The following AUTS2 variants were observed in gnomAD, a reference collection of about 807,000 sequenced individuals.
AUTS2 encodes the protein autism susceptibility gene 2 protein.
AUTS2 carries 17 observed loss-of-function variants against 112.4 expected under a neutral mutation model. The ratio of observed to expected loss-of-function variants is 0.15; its 90% CI spans 0.10 to 0.23. AUTS2 has a LOEUF of 0.23. Ranked by LOEUF, AUTS2 falls within the 10% of genes least tolerant of loss-of-function variation. The pLI is 1.00. For missense variants in AUTS2, 1,510 were observed against 1,701.6 expected (o/e 0.89, Z 1.98); for synonymous variants, 751 against 702.7 (o/e 1.07, Z -1.09).
chr7:70,730,253 T>C (rs1391395842), intron 6 of AUTS2, among the ~76,000 whole-genome samples: 4 of 152,140 alleles, frequency 2.6e-5, no homozygotes, highest in African/African-American at 9.6e-5. Flanking sequence ...TGTTTGTTGG[T>C]TTTTTAGTTA....
intron 5 of AUTS2, among the ~76,000 whole-genome samples, chr7:70,488,216 C>T (rs376548882): frequency 1.4e-4 from 22 of 152,218 alleles, no homozygotes; most frequent in African/African-American, 5.3e-4. Context: ...TCGTGCCCGG[C>T]GCTCTAAGCT....
chr7:70,105,689 T>G (rs1804731323), intron 2 of AUTS2, among the ~76,000 whole-genome samples: 1 of 152,156 alleles, frequency 6.6e-6, no homozygotes, highest in Non-Finnish European at 1.5e-5. Flanking sequence ...AACTCTTCAT[T>G]TACTGGCCTC....
At chr7:69,901,381 G>A (rs1328408138) in intron 2 of AUTS2, among the ~76,000 whole-genome samples, 2 of 151,822 alleles carry the variant, frequency 1.3e-5, no homozygotes, top group East Asian at 1.9e-4. Context: ...TCTTCTAGAC[G>A]TGATCTGACT....
intron 1 of AUTS2, among the ~76,000 whole-genome samples, chr7:69,656,774 G>C (rs1229435079): frequency 6.6e-6 from 1 of 152,124 alleles, no homozygotes; most frequent in Non-Finnish European, 1.5e-5. Context: ...CCAACATGTG[G>C]CTTCTGTGGG....
At chr7:70,304,806 C>T (rs1584997380) in intron 4 of AUTS2, among the ~76,000 whole-genome samples, 1 of 139,064 alleles carries the variant, frequency 7.2e-6, no homozygotes. Flanking sequence ...GATTTTGGAG[C>T]ATTTCGGATT....
At chr7:69,870,322 A>C (rs1793424350) in intron 1 of AUTS2, among the ~76,000 whole-genome samples, 1 of 151,480 alleles carries the variant, frequency 6.6e-6, no homozygotes, top group African/African-American at 2.4e-5. Flanking sequence ...AAGCTAAAGT[A>C]GATATTTAGG....
chr7:69,827,458 A>T (rs1004202269), intron 1 of AUTS2, among the ~76,000 whole-genome samples: 1 of 151,914 alleles, frequency 6.6e-6, no homozygotes, highest in African/African-American at 2.4e-5. Flanking sequence ...GGAAAAAAAA[A>T]CCCCTAAAAA....
intron 4 of AUTS2, among the ~76,000 whole-genome samples, chr7:70,334,091 G>C (rs1420026896): frequency 6.6e-6 from 1 of 152,030 alleles, no homozygotes; most frequent in East Asian, 1.9e-4. Context: ...TCTTTTTCTT[G>C]TCTAATTGCC....
At chr7:70,185,417 A>C (rs1809549924) in intron 4 of AUTS2, among the ~76,000 whole-genome samples, 1 of 151,476 alleles carries the variant, frequency 6.6e-6, no homozygotes, top group Admixed American at 6.6e-5. Flanking sequence ...CCAACATTCA[A>C]CTGTTTTTTC....
chr7:70,494,571 G>A (rs1798373626), intron 5 of AUTS2, among the ~76,000 whole-genome samples: 1 of 144,580 alleles, frequency 6.9e-6, no homozygotes, highest in African/African-American at 2.5e-5. Context: ...CGTCCCCACC[G>A]CCCCTCCCCC....
intron 4 of AUTS2, among the ~76,000 whole-genome samples, chr7:70,214,800 T>A (rs569129643): frequency 7.1e-4 from 108 of 152,360 alleles, no homozygotes; most frequent in African/African-American, 2.5e-3. Context: ...CTAGACTTAT[T>A]ACTTTATGGG....
At chr7:70,658,584 G>T (rs762256891) in intron 5 of AUTS2, among the ~76,000 whole-genome samples, 1 of 152,154 alleles carries the variant, frequency 6.6e-6, no homozygotes, top group African/African-American at 2.4e-5. Flanking sequence ...CCTAAATTGC[G>T]AGAGGTACTT....
intron 5 of AUTS2, among the ~76,000 whole-genome samples, chr7:70,630,321 C>T (rs1018422101): frequency 2.0e-5 from 3 of 152,116 alleles, no homozygotes; most frequent in African/African-American, 7.2e-5. Flanking sequence ...CCTATTTTCC[C>T]TCTTTGCCAA....
intron 2 of AUTS2, among the ~76,000 whole-genome samples, chr7:69,960,732 C>G (rs992849670): frequency 6.6e-6 from 1 of 152,098 alleles, no homozygotes; most frequent in Non-Finnish European, 1.5e-5. Flanking sequence ...TTTTGCTTTT[C>G]TAGGTGTTTT....
chr7:70,390,799 G>A (rs1793817751), intron 4 of AUTS2, among the ~76,000 whole-genome samples: 1 of 152,060 alleles, frequency 6.6e-6, no homozygotes, highest in African/African-American at 2.4e-5. Context: ...TGTTCTATAT[G>A]ATATAGCCAG....
chr7:70,211,972 C>T (rs1810930553), intron 4 of AUTS2, among the ~76,000 whole-genome samples: 1 of 152,142 alleles, frequency 6.6e-6, no homozygotes, highest in East Asian at 1.9e-4. Flanking sequence ...GGCAACAGAG[C>T]GAGACTCCGT....
At chr7:70,394,585 A>G (rs1794003867) in intron 4 of AUTS2, among the ~76,000 whole-genome samples, 1 of 152,222 alleles carries the variant, frequency 6.6e-6, no homozygotes, top group Admixed American at 6.5e-5. Context: ...GATAAGACGC[A>G]TTGCTACCAA....
chr7:69,968,019 A>G (rs1797700112), intron 2 of AUTS2, among the ~76,000 whole-genome samples: 1 of 152,102 alleles, frequency 6.6e-6, no homozygotes, highest in South Asian at 2.1e-4. Flanking sequence ...CAATCTTCAG[A>G]CTCTGTTCCG....
chr7:69,613,427 A>G (rs555236581), intron 1 of AUTS2, among the ~76,000 whole-genome samples: 2 of 152,192 alleles, frequency 1.3e-5, no homozygotes, highest in South Asian at 4.1e-4. Flanking sequence ...TCTCTGTTTC[A>G]CTGTTTCTCC....
Sources: gnomAD v4.1 joint callset for allele counts (sites outside exome capture counted in the v4.1 genomes callset) on GRCh38, gnomAD v4.1.1 for gene constraint, MANE v1.5 for transcripts, NCBI Gene and HGNC (gene_info 2026-07-23, HGNC 2026-07-21) for gene names.